PI15: variants seen among roughly 807,000 people sequenced by gnomAD.
PI15 encodes the protein 25 kDa trypsin inhibitor.
Under a neutral mutation model 31.0 loss-of-function variants are expected in PI15, and 18 were observed. The observed-to-expected ratio is 0.58, with a 90% CI of 0.40 to 0.86. PI15 has a LOEUF of 0.86. Among genes scored for constraint, PI15 ranks in the 40% least tolerant of loss-of-function variants. The pLI is 0.00. For missense variants in PI15, 282 were observed against 328.1 expected (o/e 0.86, Z 1.09); for synonymous variants, 118 against 119.1 (o/e 0.99, Z 0.06).
At chr8:74,825,071 C>G in intron 1 of PI15, 139 bp from the exon 2 acceptor site, 1 of 667,028 alleles carries the variant, frequency 1.5e-6, no homozygotes, top group Non-Finnish European at 2.7e-6. Flanking sequence ...AGGTTATCTC[C>G]TAGGCTTGAG....
At chr8:74,843,163 C>A (rs79230777) in intron 2 of PI15, among the ~76,000 whole-genome samples, 2,235 of 152,130 alleles carry the variant, frequency 0.015, 58 homozygotes, top group African/African-American at 0.049. Flanking sequence ...TGGCTTTTGA[C>A]GGCTGTGAAA....
At chr8:74,826,543 T>A (rs986468459) in intron 2 of PI15, among the ~76,000 whole-genome samples, 2 of 152,082 alleles carry the variant, frequency 1.3e-5, no homozygotes, top group African/African-American at 4.8e-5. Flanking sequence ...TCACAGTTCA[T>A]AGAAGTACAA....
At chr8:74,836,760 G>A (rs1015464876) in intron 2 of PI15, among the ~76,000 whole-genome samples, 1 of 152,152 alleles carries the variant, frequency 6.6e-6, no homozygotes, top group Non-Finnish European at 1.5e-5. Flanking sequence ...GATAGACCAA[G>A]GAAGGTGATG....
chr8:74,829,537 T>C (rs960791127), intron 2 of PI15, among the ~76,000 whole-genome samples: 1 of 152,146 alleles, frequency 6.6e-6, no homozygotes, highest in African/African-American at 2.4e-5. Context: ...TGTAGGATGT[T>C]CTCTGAATTT....
intron 5 of PI15, chr8:74,846,047 A>C (rs1811020497): frequency 6.5e-6 from 1 of 153,326 alleles, no homozygotes; most frequent in Non-Finnish European, 1.5e-5. Context: ...AACATTTATC[A>C]GCATTTGGTA....
rs530472265 is a variant in PI15, at chr8:74,838,219, T to A, written c.274-5762T>A. ...ATTTTGCAAAACAGCTTGAAAAAAATTAACAGATTTTCTTATCATTGAAAA... is the reference window on the plus strand; with the variant it reads ...ATTTTGCAAAACAGCTTGAAAAAAAATAACAGATTTTCTTATCATTGAAAA... On this transcript the variant is annotated intron_variant, in intron 2 of 5. Transcript: ENST00000260113. Among the ~76,000 whole-genome samples, 22 of 152,044 alleles carry A rather than the reference T, an allele frequency of 1.4e-4. 1 individual carries two copies. The South Asian group carries it at 4.6e-3, about 32-fold the overall frequency.
rs1330821041 is a variant in PI15, at chr8:74,853,443, A to G, written c.*4190A>G. On this transcript the variant is annotated 3_prime_UTR_variant, in exon 6 of 6. Transcript: ENST00000260113. ...TGTTGTTTTAATTCAACAGTCCAAC[A>G]TTATTTAGGTGTTACAGAGTGTAAA... is the stretch of plus-strand genomic sequence containing the variant. 6.6e-6 allele frequency: 1 copy of G among 152,560 alleles called. No homozygotes were observed. The highest frequency in any genetic ancestry group is 1.5e-5 in the Non-Finnish European group (1 of 67,982). The allele number at this position is 152,560 out of a possible 1,614,324, so 9.5% of individuals were successfully genotyped here. A position where few individuals can be genotyped will look rare whatever the true frequency, so the allele number is the denominator to read the frequency against.
At chr8:74,830,458 T>C (rs1350575970) in intron 2 of PI15, among the ~76,000 whole-genome samples, 3 of 152,082 alleles carry the variant, frequency 2.0e-5, no homozygotes, top group East Asian at 3.9e-4. Context: ...TCACAGCAGG[T>C]AGTAAAGTTA....
intron 2 of PI15, among the ~76,000 whole-genome samples, chr8:74,831,717 TG>T (rs564576209): frequency 5.9e-4 from 89 of 151,622 alleles, no homozygotes; most frequent in African/African-American, 2.1e-3. Flanking sequence ...AGATGTGGAG[TG>T]GGGGTAAGAA....
At chr8:74,844,442 T>A (rs1810992060) in intron 3 of PI15, among the ~76,000 whole-genome samples, 1 of 146,490 alleles carries the variant, frequency 6.8e-6, no homozygotes. Flanking sequence ...TGTGTGTGTG[T>A]GTGTGTGTGT....
rs1811096083 is a variant in PI15, at chr8:74,850,938, C to T, written c.*1685C>T. 1 of 152,488 alleles carries T rather than the reference C, an allele frequency of 6.6e-6. No individual in the cohort carries two copies. The allele number at this position is 152,488 out of a possible 1,614,324, so 9.4% of individuals were successfully genotyped here. On this transcript the variant is annotated 3_prime_UTR_variant, in exon 6 of 6. Coordinates refer to ENST00000260113, the MANE Select transcript of PI15 (RefSeq NM_015886.5). ...GAGTGCAAATTACAGAAGGAAGCTA[C>T]TTGTTTAAAATTCCATACACGTTTG...
In PI15 at chr8:74,825,344, C is replaced by G; in HGVS notation, c.95C>G (p.Pro32Arg). The G allele has an allele frequency of 2.5e-6, 4 of 1,613,334 alleles. No homozygotes were observed. The highest frequency in any genetic ancestry group is 3.4e-6 in the Non-Finnish European group (4 of 1,179,464). The change falls in exon 2 of 6, where the codon CCG becomes CGG. Residue 32 changes from proline (P) to arginine (R), a missense_variant. Coordinates refer to ENST00000260113, the MANE Select transcript of PI15 (RefSeq NM_015886.5). Reference sequence around the variant, plus strand: ...CTACTCAATTCCACTGACTCATCCCCGCCAACCAATAATTTCACTGATATT... The same window carrying G: ...CTACTCAATTCCACTGACTCATCCCGGCCAACCAATAATTTCACTGATATT... ...VVLLNSTDSS[P>R]PTNNFTDIEA...
At chr8:74,838,542 C>A (rs1196673614) in intron 2 of PI15, among the ~76,000 whole-genome samples, 1 of 152,004 alleles carries the variant, frequency 6.6e-6, no homozygotes, top group African/African-American at 2.4e-5. Context: ...TGCCCAGTAG[C>A]TTTTCTACTA....
chr8:74,834,769 G>A (rs909652323), intron 2 of PI15, among the ~76,000 whole-genome samples: 2 of 152,122 alleles, frequency 1.3e-5, no homozygotes, highest in Admixed American at 6.5e-5. Flanking sequence ...ACATGTGTGT[G>A]TTCTTCTGAC....
chr8:74,840,080 TTTG>T, intron 2 of PI15, among the ~76,000 whole-genome samples: 1 of 152,236 alleles, frequency 6.6e-6, no homozygotes, highest in East Asian at 1.9e-4. Context: ...TTCTATATTT[TTTG>T]TTTTTTAATT....
rs1811133946 is a variant in PI15 at position 74,853,380 on chromosome 8, G to A, written c.*4127G>A. ...TTCAGAAATATCAATAAAATCCTAT[G>A]TTAAATTAATCTTTACCAAAAACAG... On this transcript the variant is annotated 3_prime_UTR_variant, in exon 6 of 6. Coordinates refer to ENST00000260113, the MANE Select transcript of PI15 (RefSeq NM_015886.5). 1 of 152,488 alleles carries A rather than the reference G, an allele frequency of 6.6e-6. No individual in the cohort carries two copies. The highest frequency in any genetic ancestry group is 1.5e-5 in the Non-Finnish European group (1 of 67,952). The allele number at this position is 152,488 out of a possible 1,614,324, so 9.4% of individuals were successfully genotyped here. A position where few individuals can be genotyped will look rare whatever the true frequency, so the allele number is the denominator to read the frequency against.
At position 74,849,138 on chromosome 8, in the gene PI15, C is replaced by G. The variant is rs1811068582; in HGVS notation, c.662C>G (p.Ala221Gly). 4 of 1,612,644 alleles carry G rather than the reference C, an allele frequency of 2.5e-6. No individual in the cohort carries two copies. Among genetic ancestry groups the G allele is most frequent in the Non-Finnish European group, 3.4e-6 (4 of 1,179,214 alleles). The change falls in exon 6 of 6, where the codon GCA becomes GGA. Residue 221 changes from alanine to glycine, a missense_variant. Physicochemically the swap from Ala to Gly is moderately conservative, Grantham distance 60. Coordinates refer to ENST00000260113, the MANE Select transcript of PI15 (RefSeq NM_015886.5). ...YAPKGNWIGE[A>G]PYKVGVPCSS... ...TCTAGGGGCAATTGGATTGGAGAAG[C>G]ACCATATAAAGTAGGGGTACCATGT... is the stretch of plus-strand genomic sequence containing the variant.
In PI15 at chr8:74,849,424, T is replaced by G; in HGVS notation, c.*171T>G. ...TGTCTAGCATGTTTGTTTAATCCTT[T>G]GAAATATTTGAAACATCAATTTCTA... On this transcript the variant is annotated 3_prime_UTR_variant, in exon 6 of 6. Coordinates refer to ENST00000260113, the MANE Select transcript of PI15 (RefSeq NM_015886.5). 2.1e-6 allele frequency: 1 copy of G among 478,958 alleles called. No individual in the cohort carries two copies. The highest frequency in any genetic ancestry group is 3.5e-5 in the East Asian group (1 of 28,918). The allele number at this position is 478,958 out of a possible 1,614,324, so 29.7% of individuals were successfully genotyped here.
intron 2 of PI15, among the ~76,000 whole-genome samples, chr8:74,834,343 C>A (rs898406452): frequency 6.6e-6 from 1 of 152,040 alleles, no homozygotes; most frequent in African/African-American, 2.4e-5. Context: ...ATTATTTATA[C>A]CCTTGGAAAT....
Sources: gnomAD v4.1 joint callset for allele counts (sites outside exome capture counted in the v4.1 genomes callset) on GRCh38, gnomAD v4.1.1 for gene constraint, MANE v1.5 for transcripts, NCBI Gene and HGNC (gene_info 2026-07-23, HGNC 2026-07-21) for gene names.